Variants in DLX3 observed in about 807,000 individuals in gnomAD.
The protein encoded by DLX3 is homeobox protein DLX-3.
A neutral mutation model predicts 28.0 loss-of-function variants in DLX3; 9 were observed. That is an observed-to-expected ratio of 0.32 (90% CI 0.19 to 0.56). The LOEUF (loss-of-function observed/expected upper bound fraction) is 0.56. DLX3 is among the 20% of genes least tolerant of loss of function. The pLI, the probability that DLX3 is intolerant of heterozygous loss-of-function variation, is 0.91. For synonymous variants in DLX3, 154 were observed against 167.9 expected (o/e 0.92, Z 0.64); for missense variants, 313 against 378.2 (o/e 0.83, Z 1.43).
In DLX3 at chr17:49,993,382, G is replaced by A; in HGVS notation, c.516+18C>T. On this transcript the variant is annotated intron_variant, in intron 2 of 2. Transcript: ENST00000434704. Reference sequence around the variant, plus strand: ...GGGTCCCGCGCGCCCCCGCGGCCCTGGACAGCCAAACACCAACCTGTGTCT... The same window carrying A: ...GGGTCCCGCGCGCCCCCGCGGCCCTAGACAGCCAAACACCAACCTGTGTCT... 10 of 1,589,840 alleles carry A rather than the reference G, an allele frequency of 6.3e-6. No homozygotes were observed. Among genetic ancestry groups the A allele is most frequent in the South Asian group, 2.2e-5 (2 of 89,524 alleles).
chr17:49,993,394 A>G lies in DLX3; in HGVS notation c.516+6T>C, dbSNP rs770935274. 9.4e-6 allele frequency: 15 copies of G among 1,598,700 alleles called. No individual in the cohort carries two copies. The South Asian group carries it at 1.4e-4, about 15-fold the overall frequency. On this transcript the variant is annotated splice_donor_region_variant and intron_variant, in intron 2 of 2. Transcript: ENST00000434704. ...CCCCCGCGGCCCTGGACAGCCAAAC[A>G]CCAACCTGTGTCTGCGTGAGGCCCA...
In DLX3 at chr17:49,994,708, C is replaced by A. The variant is rs1195510146; in HGVS notation, c.291G>T (p.Ala97=). 6.2e-7 allele frequency: 1 copy of A among 1,614,100 alleles called. No homozygotes were observed. The highest frequency in any genetic ancestry group is 8.5e-7 in the Non-Finnish European group (1 of 1,180,042). Residue 97 remains alanine, a synonymous_variant, in exon 1 of 3, where the codon GCG becomes GCT. Transcript: ENST00000434704. ...GGGCTGGCAGCGGCTGCTCCCGATA[C>A]GCCCCGTATTGCCGGTAGGAGGCTC... ...TYGASYRQYG[A]YREQPLPAQD...
At chr17:49,993,265 C>A in intron 2 of DLX3, 135 bp downstream of exon 2, 1 of 903,732 alleles carries the variant, frequency 1.1e-6, no homozygotes, top group South Asian at 1.6e-5. Flanking sequence ...CGAAGTTGAA[C>A]CTCGCAGGCC....
rs746369270 is a variant in DLX3, at chr17:49,994,714, G to T, written c.285C>A (p.Tyr95Ter). Residue 95 changes from tyrosine to a stop codon, truncating the protein, a stop_gained, in exon 1 of 3, where the codon TAC becomes TAA. Transcript: ENST00000434704. LOFTEE classifies it high-confidence loss of function. ...EYTYGASYRQ[Y>*]GAYREQPLPA... ...GCAGCGGCTGCTCCCGATACGCCCC[G>T]TATTGCCGGTAGGAGGCTCCGTAGG... The T allele has an allele frequency of 6.2e-7, 1 of 1,614,100 alleles. No homozygotes were observed. Among genetic ancestry groups the T allele is most frequent in the South Asian group, 1.1e-5 (1 of 91,084 alleles).
At chr17:49,992,522 TG>T (rs1906127426) in intron 2 of DLX3, among the ~76,000 whole-genome samples, 1 of 152,100 alleles carries the variant, frequency 6.6e-6, no homozygotes. Flanking sequence ...GGCTGGATAA[TG>T]GGGGTGACCT....
At chr17:49,992,446 T>C (rs1906123781) in intron 2 of DLX3, among the ~76,000 whole-genome samples, 1 of 152,050 alleles carries the variant, frequency 6.6e-6, no homozygotes, top group Admixed American at 6.5e-5. Context: ...TACACCCAGA[T>C]AAGCACCCCA....
intron 2 of DLX3, among the ~76,000 whole-genome samples, chr17:49,992,150 G>A (rs567298656): frequency 5.3e-5 from 8 of 152,248 alleles, no homozygotes; most frequent in African/African-American, 1.9e-4. Context: ...AAATGGGGAT[G>A]AGAACAGCAC....
At chr17:49,993,732 G>A in intron 1 of DLX3, 142 bp from the exon 2 acceptor site, 1 of 958,380 alleles carries the variant, frequency 1.0e-6, no homozygotes, top group Non-Finnish European at 1.5e-6. Context: ...TCCGCTGCCC[G>A]CGGCCCAGGG....
Position 49,991,629 on chromosome 17 carries a change from C to T in DLX3, c.752G>A (p.Trp251Ter). 1 of 1,613,702 alleles carries T rather than the reference C, an allele frequency of 6.2e-7. No individual in the cohort carries two copies. The highest frequency in any genetic ancestry group is 8.5e-7 in the Non-Finnish European group (1 of 1,179,988). Residue 251 changes from tryptophan to a stop codon, truncating the protein, a stop_gained, in exon 3 of 3, where the codon TGG becomes TAG. Transcript: ENST00000434704. LOFTEE classifies it high-confidence loss of function. ...PSYLDDPTNS[W>*]YHAQNLSGPH... is the part of the protein sequence containing the mutation. ...TCCACTCAGGTTCTGTGCGTGATAC[C>T]AGGAGTTGGTGGGGTCGTCCAGGTA...
chr17:49,991,638 G>A lies in DLX3; in HGVS notation c.743C>T (p.Thr248Ile), dbSNP rs773905882. The part of the protein sequence containing the change: ...SASPSYLDDP[T>I]NSWYHAQNLS... ...GTTCTGTGCGTGATACCAGGAGTTG[G>A]TGGGGTCGTCCAGGTAGCTGGGGGA... Residue 248 changes from threonine (T) to isoleucine (I), a missense_variant, in exon 3 of 3, where the codon ACC becomes ATC. Coordinates refer to ENST00000434704, the MANE Select transcript of DLX3 (RefSeq NM_005220.3). The A allele has an allele frequency of 1.2e-6, 2 of 1,613,770 alleles. No homozygotes were observed. Among genetic ancestry groups the A allele is most frequent in the Non-Finnish European group, 1.7e-6 (2 of 1,180,028 alleles).
At position 49,993,586 on chromosome 17, in the gene DLX3, C is replaced by T. The variant is rs1337373769; in HGVS notation, c.330G>A (p.Ser110=). ...EQPLPAQDPV[S]VKEEPEAEVR... is the part of the protein sequence containing the mutation. ...CCTCTGCTTCCGGCTCCTCCTTCACCGACACTGCGGGGAACGCACCGGGCG... is the reference window on the plus strand; with the variant it reads ...CCTCTGCTTCCGGCTCCTCCTTCACTGACACTGCGGGGAACGCACCGGGCG... The change falls in exon 2 of 3, where the codon TCG becomes TCA. Residue 110 remains serine, a synonymous_variant. Transcript: ENST00000434704. The T allele has an allele frequency of 6.2e-7, 1 of 1,613,222 alleles. No individual in the cohort carries two copies. Among genetic ancestry groups the T allele is most frequent in the African/African-American group, 1.3e-5 (1 of 74,918 alleles).
rs569516470 is a variant in DLX3 at position 49,990,426 on chromosome 17, G to C, written c.*1091C>G. 1 of 151,810 alleles carries C rather than the reference G, an allele frequency of 6.6e-6. No homozygotes were observed. Among genetic ancestry groups the C allele is most frequent in the East Asian group, 1.9e-4 (1 of 5,158 alleles). 9.4% of individuals were successfully genotyped at this position (151,810 alleles called of 1,614,324 possible). A position where few individuals can be genotyped will look rare whatever the true frequency, so the allele number is the denominator to read the frequency against. ...TTGGTGGGATGTCTGGGTCAGGGAG[G>C]GGCAGTGCCACCAGCCCTCCAGGCA... On this transcript the variant is annotated 3_prime_UTR_variant, in exon 3 of 3. Coordinates refer to ENST00000434704, the MANE Select transcript of DLX3 (RefSeq NM_005220.3).
In DLX3 at chr17:49,994,856, T is replaced by C. The variant is rs1422722224; in HGVS notation, c.143A>G (p.His48Arg). 2 of 1,614,176 alleles carry C rather than the reference T, an allele frequency of 1.2e-6. No individual in the cohort carries two copies. The highest frequency in any genetic ancestry group is 1.7e-6 in the Non-Finnish European group (2 of 1,180,028). The change falls in exon 1 of 3, where the codon CAC becomes CGC. Residue 48 changes from histidine to arginine, a missense_variant. Coordinates refer to ENST00000434704, the MANE Select transcript of DLX3 (RefSeq NM_005220.3). Reference protein sequence around the residue: ...TDLGYYSAPQHDYYSGQPYGQ... With the variant: ...TDLGYYSAPQRDYYSGQPYGQ... ...ATAGGGCTGGCCCGAGTAGTAATCG[T>C]GCTGGGGAGCGCTGTAGTAGCCCAG...
Position 49,991,628 on chromosome 17 carries a change from C to A in DLX3, c.753G>T (p.Trp251Cys). The change falls in exon 3 of 3, where the codon TGG becomes TGT. Residue 251 changes from tryptophan to cysteine, a missense_variant. By Grantham distance (215) the Trp-to-Cys change is radical (BLOSUM62 -2). Transcript: ENST00000434704. ...GTCCACTCAGGTTCTGTGCGTGATA[C>A]CAGGAGTTGGTGGGGTCGTCCAGGT... ...PSYLDDPTNS[W>C]YHAQNLSGPH... 1 of 1,613,698 alleles carries A rather than the reference C, an allele frequency of 6.2e-7. No homozygotes were observed. The highest frequency in any genetic ancestry group is 8.5e-7 in the Non-Finnish European group (1 of 1,179,976).
chr17:49,991,297 GGTACCCCAGT>G lies in DLX3; in HGVS notation c.*210_*219del. The G allele has an allele frequency of 1.8e-6, 1 of 556,414 alleles. No individual in the cohort carries two copies. Among genetic ancestry groups the G allele is most frequent in the Non-Finnish European group, 3.2e-6 (1 of 317,364 alleles). 34.5% of individuals were successfully genotyped at this position (556,414 alleles called of 1,614,324 possible). A position where few individuals can be genotyped will look rare whatever the true frequency, so the allele number is the denominator to read the frequency against. ...GGTGGAATGTCCCCACATCTGGAGG[GGTACCCCAGT>G]GTCTAGGCAGAGGGAGGGAGGTTCA... is the stretch of plus-strand genomic sequence containing the variant. On this transcript the variant is annotated 3_prime_UTR_variant, in exon 3 of 3. Transcript: ENST00000434704.
chr17:49,991,324 G>A lies in DLX3; in HGVS notation c.*193C>T. 1.7e-6 allele frequency: 1 copy of A among 586,292 alleles called. No homozygotes were observed. The highest frequency in any genetic ancestry group is 2.3e-5 in the South Asian group (1 of 44,118). The allele number at this position is 586,292 out of a possible 1,614,324, so 36.3% of individuals were successfully genotyped here. On this transcript the variant is annotated 3_prime_UTR_variant, in exon 3 of 3. Coordinates refer to ENST00000434704, the MANE Select transcript of DLX3 (RefSeq NM_005220.3). ...TACCCCAGTGTCTAGGCAGAGGGAG[G>A]GAGGTTCAGGGGGCATCCTTGGTCC...
rs1473596128 is a variant in DLX3 at position 49,994,927 on chromosome 17, C to T, written c.72G>A (p.Ala24=). The T allele has an allele frequency of 1.2e-6, 2 of 1,614,038 alleles. No individual in the cohort carries two copies. The highest frequency in any genetic ancestry group is 8.5e-7 in the Non-Finnish European group (1 of 1,180,030). The change falls in exon 1 of 3, where the codon GCG becomes GCA. Residue 24 remains alanine (A), a synonymous_variant. Coordinates refer to ENST00000434704, the MANE Select transcript of DLX3 (RefSeq NM_005220.3). Reference sequence around the variant, plus strand: ...GCAGGGTAGGCGAGTCCTTGGAGCCCGCATGGCAGCTAAGGGAGCTGGAGA... The same window carrying T: ...GCAGGGTAGGCGAGTCCTTGGAGCCTGCATGGCAGCTAAGGGAGCTGGAGA... The part of the protein sequence containing the change: ...TDISSSLSCH[A]GSKDSPTLPE...
chr17:49,995,118 C>G lies in DLX3; in HGVS notation c.-120G>C. 1 of 1,298,726 alleles carries G rather than the reference C, an allele frequency of 7.7e-7. No individual in the cohort carries two copies. 80.5% of individuals were successfully genotyped at this position (1,298,726 alleles called of 1,614,324 possible). The stretch of plus-strand genomic sequence containing the variant: ...GTGTCCAGAAGGCGAAGGGAGGACC[C>G]GGCCGCGTCTGGGGGGAGGGGGAGG... On this transcript the variant is annotated 5_prime_UTR_variant, in exon 1 of 3. Coordinates refer to ENST00000434704, the MANE Select transcript of DLX3 (RefSeq NM_005220.3).
chr17:49,995,200 G>C lies in DLX3; in HGVS notation c.-202C>G. 1.5e-6 allele frequency: 1 copy of C among 665,816 alleles called. No homozygotes were observed. The highest frequency in any genetic ancestry group is 1.8e-5 in the South Asian group (1 of 56,310). 41.2% of individuals were successfully genotyped at this position (665,816 alleles called of 1,614,324 possible). A position where few individuals can be genotyped will look rare whatever the true frequency, so the allele number is the denominator to read the frequency against. On this transcript the variant is annotated 5_prime_UTR_variant, in exon 1 of 3. Coordinates refer to ENST00000434704, the MANE Select transcript of DLX3 (RefSeq NM_005220.3). The stretch of plus-strand genomic sequence containing the variant: ...AGGCGGTCGCTGCGCGCCTCTCCTC[G>C]CGTCCCAAGCCACAATCAAATGCTG...
Sources: gnomAD v4.1 joint callset for allele counts (sites outside exome capture counted in the v4.1 genomes callset) on GRCh38, gnomAD v4.1.1 for gene constraint, MANE v1.5 for transcripts, NCBI Gene and HGNC (gene_info 2026-07-23, HGNC 2026-07-21) for gene names.